The following ABCA13 variants were observed in gnomAD, a reference collection of about 807,000 sequenced individuals.
ABCA13 encodes the protein ATP binding cassette subfamily A member 13.
In ABCA13, 476 loss-of-function variants were observed where a neutral mutation model predicts 478.7. The ratio of observed to expected loss-of-function variants is 0.99; its 90% CI spans 0.92 to 1.07. The LOEUF (loss-of-function observed/expected upper bound fraction) is 1.07. ABCA13 is among the 50% of genes least tolerant of loss of function. The pLI is 0.00. For missense variants in ABCA13, 6,060 were observed against 5,910.6 expected (o/e 1.03, Z -0.83); for synonymous variants, 2,252 against 2,158.9 (o/e 1.04, Z -1.20).
chr7:48,552,416 A>T (rs1785407792), intron 55 of ABCA13, among the ~76,000 whole-genome samples: 2 of 151,772 alleles, frequency 1.3e-5, no homozygotes, highest in Non-Finnish European at 2.9e-5. Context: ...ATGTTGATCA[A>T]CAGCAATGGA....
At chr7:48,207,256 G>A (rs4409351) in intron 3 of ABCA13, among the ~76,000 whole-genome samples, 30,732 of 151,854 alleles carry the variant, frequency 0.2, 3,362 homozygotes, top group Middle Eastern at 0.26. Context: ...TAATGCTGCA[G>A]TAAACATGAG....
rs199645804 is a variant in ABCA13 at position 48,338,384 on chromosome 7, T to C, written c.10133T>C (p.Phe3378Ser). ...CTTTAGGAGGCCCTGAGAAACAAATTTGTAAGAAACTTTGTAGAAAACCAG... is the reference window on the plus strand; with the variant it reads ...CTTTAGGAGGCCCTGAGAAACAAATCTGTAAGAAACTTTGTAGAAAACCAG... The part of the protein sequence containing the change: ...NQLQEALRNK[F>S]VRNFVENQLH... Residue 3378 changes from phenylalanine (F) to serine (S), a missense_variant, in exon 29 of 62, where the codon TTT (phenylalanine) becomes TCT (serine). Physicochemically the swap from Phe to Ser is radical, Grantham distance 155. Coordinates refer to ENST00000435803, the MANE Select transcript of ABCA13 (RefSeq NM_152701.5). The C allele has an allele frequency of 5.6e-5, 89 of 1,598,780 alleles. 1 individual carries two copies. Among genetic ancestry groups the C allele is most frequent in the African/African-American group, 1.3e-5 (1 of 74,540 alleles).
chr7:48,347,030 A>G (rs1808222696), intron 29 of ABCA13, among the ~76,000 whole-genome samples: 1 of 152,174 alleles, frequency 6.6e-6, no homozygotes, highest in South Asian at 2.1e-4. Context: ...CACACTATTT[A>G]GAAATCAGAA....
chr7:48,198,375 A>G lies in ABCA13; in HGVS notation c.287+15A>G, dbSNP rs748561717. ...CATCATTTTCGGTAAGAGAAACACA[A>G]AGATCTTTTTCAGAAATCTCAGAAA... On this transcript the variant is annotated intron_variant, in intron 3 of 61. Transcript: ENST00000435803. 1 of 1,612,610 alleles carries G rather than the reference A, an allele frequency of 6.2e-7. No homozygotes were observed. Among genetic ancestry groups the G allele is most frequent in the South Asian group, 1.1e-5 (1 of 90,556 alleles).
chr7:48,232,172 T>G (rs1254604522), intron 7 of ABCA13, among the ~76,000 whole-genome samples: 1 of 146,574 alleles, frequency 6.8e-6, no homozygotes, highest in Non-Finnish European at 1.5e-5. Flanking sequence ...TTTAGCTTTC[T>G]GTAAGAGAAA....
rs758112445 is a variant in ABCA13, at chr7:48,279,900, A to G, written c.8706A>G (p.Gln2902=). The part of the protein sequence containing the change: ...GLFVLTKYWQ[Q]IPLTDQSVVE... ...TTGTATTGACTAAATACTGGCAACA[A>G]ATCCCACTAACAGATCAAAGGTAAT... The change falls in exon 18 of 62, where the codon CAA becomes CAG. Residue 2902 remains glutamine, a synonymous_variant. Coordinates refer to ENST00000435803, the MANE Select transcript of ABCA13 (RefSeq NM_152701.5). 2.0e-6 allele frequency: 3 copies of G among 1,522,776 alleles called. No individual in the cohort carries two copies. In the Admixed American group the frequency reaches 6.8e-5, roughly 35 times the overall value. The allele number at this position is 1,522,776 out of a possible 1,614,324, so 94.3% of individuals were successfully genotyped here. A position where few individuals can be genotyped will look rare whatever the true frequency, so the allele number is the denominator to read the frequency against.
chr7:48,458,998 C>T (rs910089962), intron 43 of ABCA13, among the ~76,000 whole-genome samples: 2 of 152,168 alleles, frequency 1.3e-5, no homozygotes, highest in Non-Finnish European at 2.9e-5. Context: ...CCATTCATGA[C>T]CCAGGCTTCT....
chr7:48,559,763 G>T (rs73109401), intron 55 of ABCA13, among the ~76,000 whole-genome samples: 21,076 of 152,040 alleles, frequency 0.14, 1,832 homozygotes, highest in African/African-American at 0.23. Flanking sequence ...GTCCTGCCAC[G>T]ACTGGGGCCT....
In ABCA13 at chr7:48,422,193, GT is replaced by G. The variant is rs898400373; in HGVS notation, c.12460-5566del. Among the ~76,000 whole-genome samples, 57 of 150,172 alleles carry G rather than the reference GT, an allele frequency of 3.8e-4. 1 individual carries two copies. Among genetic ancestry groups the G allele is most frequent in the African/African-American group, 1.3e-3 (52 of 41,124 alleles). On this transcript the variant is annotated intron_variant, in intron 41 of 61. Transcript: ENST00000435803. ...TTCATGTGACATCCTGTTTGTTGTT[GT>G]TTTTTTCTTTTTTTTCTTTTTTCCT... is the stretch of plus-strand genomic sequence containing the variant.
At chr7:48,398,528 A>C (rs1421393602) in intron 38 of ABCA13, among the ~76,000 whole-genome samples, 1 of 152,210 alleles carries the variant, frequency 6.6e-6, no homozygotes, top group East Asian at 1.9e-4. Context: ...TAGCTTCATT[A>C]AAATGTGACT....
At position 48,365,806 on chromosome 7, in the gene ABCA13, T is replaced by C. The variant is rs1052325054; in HGVS notation, c.10689-1988T>C. Among the ~76,000 whole-genome samples, 5 of 152,302 alleles carry C rather than the reference T, an allele frequency of 3.3e-5. 1 individual carries two copies. The highest frequency in any genetic ancestry group is 2.6e-4 in the Admixed American group (4 of 15,290). On this transcript the variant is annotated intron_variant, in intron 31 of 61. Coordinates refer to ENST00000435803, the MANE Select transcript of ABCA13 (RefSeq NM_152701.5). ...TGTTTTTAACCAAAGAAGTGAAAGA[T>C]ATCTACAAAGAAAACTATGAAATGT...
chr7:48,424,789 A>C (rs1821189373), intron 41 of ABCA13, among the ~76,000 whole-genome samples: 1 of 152,208 alleles, frequency 6.6e-6, no homozygotes, highest in Non-Finnish European at 1.5e-5. Context: ...ATAATGCAAA[A>C]TAACAAAGGC....
intron 53 of ABCA13, among the ~76,000 whole-genome samples, chr7:48,523,749 A>G (rs1237568464): frequency 6.6e-6 from 1 of 152,170 alleles, no homozygotes; most frequent in Non-Finnish European, 1.5e-5. Flanking sequence ...TTCCTCTGAT[A>G]GATACTTACT....
intron 59 of ABCA13, among the ~76,000 whole-genome samples, chr7:48,630,625 A>C (rs946932852): frequency 9.2e-5 from 14 of 152,178 alleles, no homozygotes; most frequent in African/African-American, 3.4e-4. Context: ...ATATACATGC[A>C]TGTGTCTTTA....
At chr7:48,338,235 C>T (rs1285116358) in intron 28 of ABCA13, 130 bp from the exon 29 acceptor site, 14 of 564,802 alleles carry the variant, frequency 2.5e-5, no homozygotes, top group Non-Finnish European at 3.7e-5. Flanking sequence ...TGTTTTAAAA[C>T]TTCTTTTAAG....
chr7:48,619,088 G>A (rs982971431), intron 59 of ABCA13, among the ~76,000 whole-genome samples: 1 of 152,198 alleles, frequency 6.6e-6, no homozygotes, highest in Non-Finnish European at 1.5e-5. Context: ...AGGAAGGCAG[G>A]GAGCTCTGGC....
intron 59 of ABCA13, among the ~76,000 whole-genome samples, chr7:48,624,331 A>G (rs1793454998): frequency 6.6e-6 from 1 of 152,154 alleles, no homozygotes; most frequent in South Asian, 2.1e-4. Context: ...AACCATTAAC[A>G]GCTGCATGCG....
At position 48,631,424 on chromosome 7, in the gene ABCA13, G is replaced by A. The variant is rs1035635945; in HGVS notation, c.14838-11864G>A. 2.6e-5 allele frequency among the ~76,000 whole-genome samples: 4 copies of A among 152,086 alleles called. No individual in the cohort carries two copies. In the South Asian group the frequency reaches 8.3e-4, roughly 32 times the overall value. ...TTAAATAGGTAGTCCTTTCCCCATTGTTTATTTTTGTCAGCTTTGCTAAAG... is the reference window on the plus strand; with the variant it reads ...TTAAATAGGTAGTCCTTTCCCCATTATTTATTTTTGTCAGCTTTGCTAAAG... On this transcript the variant is annotated intron_variant, in intron 59 of 61. Transcript: ENST00000435803.
At position 48,516,708 on chromosome 7, in the gene ABCA13, T is replaced by C. The variant is rs1374476068; in HGVS notation, c.13641-17T>C. ...TGTTACAGTAAAACAAACATTACTT[T>C]TCACTTTACTTTTCAGATATGCAAC... On this transcript the variant is annotated splice_polypyrimidine_tract_variant and intron_variant, in intron 51 of 61. Coordinates refer to ENST00000435803, the MANE Select transcript of ABCA13 (RefSeq NM_152701.5). 1 of 1,611,982 alleles carries C rather than the reference T, an allele frequency of 6.2e-7. No individual in the cohort carries two copies. Among genetic ancestry groups the C allele is most frequent in the South Asian group, 1.1e-5 (1 of 90,862 alleles).
Sources: allele counts gnomAD v4.1 joint callset (sites outside exome capture counted in the v4.1 genomes callset), GRCh38; gene constraint gnomAD v4.1.1; transcripts MANE v1.5; gene names NCBI Gene and HGNC (gene_info 2026-07-23, HGNC 2026-07-21).